The following FNIP1 variants were observed in gnomAD, a reference collection of about 807,000 sequenced individuals.
The protein encoded by FNIP1 is folliculin-interacting protein 1.
Under a neutral mutation model 124.5 loss-of-function variants are expected in FNIP1, and 40 were observed. The ratio of observed to expected loss-of-function variants is 0.32; its 90% confidence interval spans 0.25 to 0.42. The LOEUF (loss-of-function observed/expected upper bound fraction) is 0.42, where lower values mean the gene tolerates loss of function less well. Ranked by LOEUF, FNIP1 falls within the 10% of genes least tolerant of loss-of-function variation. The pLI, the probability that FNIP1 is intolerant of heterozygous loss-of-function variation, is 1.00. For missense variants in FNIP1, 1,176 were observed against 1,403.7 expected (o/e 0.84, Z 2.59); for synonymous variants, 472 against 470.6 (o/e 1.00, Z -0.04).
At chr5:131,719,825 GAAT>G (rs1360240820) in intron 3 of FNIP1, among the ~76,000 whole-genome samples, 1 of 152,162 alleles carries the variant, frequency 6.6e-6, no homozygotes, top group Admixed American at 6.5e-5. Context: ...AGAATATGCA[GAAT>G]AATTTTTACT....
intron 11 of FNIP1, among the ~76,000 whole-genome samples, chr5:131,691,541 G>T (rs75679923): frequency 0.022 from 3,356 of 152,198 alleles, 61 homozygotes; most frequent in Middle Eastern, 0.14. Flanking sequence ...AAAACCAAAC[G>T]CTGGTTCTCT....
intron 11 of FNIP1, among the ~76,000 whole-genome samples, chr5:131,683,767 G>A (rs1199453945): frequency 6.6e-6 from 1 of 152,064 alleles, no homozygotes; most frequent in African/African-American, 2.4e-5. Flanking sequence ...TGACTGCAGA[G>A]TCTATTCTCA....
rs1770065071 is a variant in FNIP1 at position 131,730,959 on chromosome 5, A to G, written c.299T>C (p.Leu100Ser). 6.2e-7 allele frequency: 1 copy of G among 1,612,870 alleles called. No individual in the cohort carries two copies. Among genetic ancestry groups the G allele is most frequent in the South Asian group, 1.1e-5 (1 of 90,958 alleles). Residue 100 changes from leucine to serine, a missense_variant, in exon 3 of 18, where the codon TTA (leucine) becomes TCA (serine). Leu to Ser is a moderately radical substitution (Grantham distance 145). Transcript: ENST00000510461. ...LKPGGDSSSS[L>S]DSSVTSSSDI... ...AGAAGATGAAGTCACAGAACTATCT[A>G]AAGAGGAAGAACTGTCTCCTCCAGG...
At chr5:131,666,233 A>C (rs1767600982) in intron 15 of FNIP1, among the ~76,000 whole-genome samples, 1 of 152,194 alleles carries the variant, frequency 6.6e-6, no homozygotes, top group Admixed American at 6.5e-5. Context: ...AAAATGATTG[A>C]TAACAAAGTT....
At chr5:131,680,995 C>T (rs1768059449) in intron 11 of FNIP1, among the ~76,000 whole-genome samples, 1 of 152,024 alleles carries the variant, frequency 6.6e-6, no homozygotes, top group Non-Finnish European at 1.5e-5. Context: ...TTGGGAAAGT[C>T]ATGACAGGAG....
At chr5:131,751,878 T>C (rs1476206556) in intron 1 of FNIP1, among the ~76,000 whole-genome samples, 2 of 152,146 alleles carry the variant, frequency 1.3e-5, no homozygotes, top group Non-Finnish European at 2.9e-5. Context: ...TAGACAGTGG[T>C]GATGGTCACC....
chr5:131,787,240 T>C (rs1031586479), intron 1 of FNIP1, among the ~76,000 whole-genome samples: 1 of 152,224 alleles, frequency 6.6e-6, no homozygotes. Context: ...GCTGAAAATC[T>C]TGGAGTACAG....
At position 131,651,978 on chromosome 5, in the gene FNIP1, T is replaced by C. The variant is rs1189815845; in HGVS notation, c.3130A>G (p.Ile1044Val). ...GCTATAATACAGACAGCTTCTGCTA[T>C]TGGTTCATCCAAAACTGGATGCTGG... ...AVQHPVLDEP[I>V]AEAVCIIADM... is the part of the protein sequence containing the mutation. The change falls in exon 16 of 18, where the codon ATA becomes GTA. Residue 1044 changes from isoleucine (I) to valine (V), a missense_variant. Ile to Val is a conservative substitution (Grantham distance 29, BLOSUM62 3). Around this residue, in one of 2 missense-constraint regions of FNIP1, gnomAD observed 1,109 missense variants for 1,288.5 expected, o/e 0.86. Transcript: ENST00000510461. The C allele has an allele frequency of 2.5e-6, 4 of 1,613,706 alleles. No individual in the cohort carries two copies. Among genetic ancestry groups the C allele is most frequent in the South Asian group, 1.1e-5 (1 of 91,004 alleles).
intron 2 of FNIP1, among the ~76,000 whole-genome samples, chr5:131,742,760 T>C (rs1195028218): frequency 6.6e-6 from 1 of 152,222 alleles, no homozygotes; most frequent in East Asian, 1.9e-4. Flanking sequence ...GTAGAAAGTT[T>C]AAAAAAATTT....
chr5:131,702,330 C>G (rs1397869340), intron 10 of FNIP1, among the ~76,000 whole-genome samples: 1 of 152,158 alleles, frequency 6.6e-6, no homozygotes, highest in Non-Finnish European at 1.5e-5. Flanking sequence ...GTGTGCTCCC[C>G]CATGCCTGGC....
chr5:131,734,299 G>A (rs181404671), intron 2 of FNIP1, among the ~76,000 whole-genome samples: 97 of 152,158 alleles, frequency 6.4e-4, no homozygotes, highest in African/African-American at 2.2e-3. Context: ...TGGATTTTTT[G>A]AAGGGTTTTT....
chr5:131,679,897 A>G (rs1015668628), intron 11 of FNIP1, among the ~76,000 whole-genome samples: 6 of 152,204 alleles, frequency 3.9e-5, no homozygotes, highest in Admixed American at 6.5e-5. Flanking sequence ...ATCATTATCT[A>G]TTTAACAAAG....
intron 13 of FNIP1, among the ~76,000 whole-genome samples, chr5:131,675,608 G>T (rs58878454): frequency 6.6e-6 from 1 of 152,144 alleles, no homozygotes; most frequent in Non-Finnish European, 1.5e-5. Context: ...TGAGATCAAA[G>T]AAAGTATATA....
chr5:131,730,768 T>C, intron 3 of FNIP1, 136 bp downstream of exon 3: 1 of 575,904 alleles, frequency 1.7e-6, no homozygotes, highest in East Asian at 3.2e-5. Context: ...AACATAATTG[T>C]TTATCTGTCT....
chr5:131,690,003 GAGGTC>G (rs1263441657), intron 11 of FNIP1, among the ~76,000 whole-genome samples: 2 of 152,020 alleles, frequency 1.3e-5, no homozygotes, highest in Non-Finnish European at 1.5e-5. Flanking sequence ...GGTGGATCGC[GAGGTC>G]AGGAGATCGA....
At chr5:131,780,880 A>G (rs141057916) in intron 1 of FNIP1, among the ~76,000 whole-genome samples, 2 of 152,338 alleles carry the variant, frequency 1.3e-5, no homozygotes, top group Admixed American at 6.5e-5. Flanking sequence ...AGAGTTGCAC[A>G]TCTCTCACTG....
At chr5:131,645,198 C>T (rs544581742) in intron 17 of FNIP1, among the ~76,000 whole-genome samples, 93 of 151,514 alleles carry the variant, frequency 6.1e-4, no homozygotes, top group Non-Finnish European at 5.7e-4. Context: ...GGTGTGTGCC[C>T]GTGGTACCAG....
At chr5:131,699,601 C>A (rs1204158257) in intron 10 of FNIP1, among the ~76,000 whole-genome samples, 3 of 151,868 alleles carry the variant, frequency 2.0e-5, no homozygotes, top group East Asian at 1.9e-4. Flanking sequence ...ACCATGTTGG[C>A]CAGGCTAGCC....
chr5:131,706,575 A>C, intron 8 of FNIP1, 29 bp from the exon 9 acceptor site: 1 of 1,508,810 alleles, frequency 6.6e-7, no homozygotes, highest in Non-Finnish European at 8.9e-7. Flanking sequence ...AACAAGTATA[A>C]GTCAATAATG....
Sources: allele counts gnomAD v4.1 joint callset (sites outside exome capture counted in the v4.1 genomes callset), GRCh38; gene constraint gnomAD v4.1.1; regional missense constraint gnomAD v4.1.1; transcripts MANE v1.5; gene names NCBI Gene and HGNC (gene_info 2026-07-23, HGNC 2026-07-21).